The following PPP2R5E variants were observed in gnomAD, a reference collection of about 807,000 sequenced individuals.
The protein encoded by PPP2R5E is protein phosphatase 2 regulatory subunit B'epsilon, also known as serine/threonine-protein phosphatase 2A 56 kDa regulatory subunit epsilon isoform.
In PPP2R5E, 4 loss-of-function variants were observed where a neutral mutation model predicts 65.3. The ratio of observed to expected loss-of-function variants is 0.06; its 90% CI spans 0.03 to 0.14. The LOEUF is 0.14. Among genes scored for constraint, PPP2R5E ranks in the 10% least tolerant of loss-of-function variants. The probability of loss-of-function intolerance (pLI) is 1.00; values close to 1 mark genes in which losing one functional copy is unlikely to be tolerated. For missense variants in PPP2R5E, 274 were observed against 556.1 expected, an observed-to-expected ratio of 0.49 and a Z score of 5.10; for synonymous variants, 183 against 187.4, an observed-to-expected ratio of 0.98 and a Z score of 0.19.
chr14:63,507,490 T>C (rs1276964386), intron 2 of PPP2R5E, among the ~76,000 whole-genome samples: 1 of 139,500 alleles, frequency 7.2e-6, no homozygotes, highest in Non-Finnish European at 1.6e-5. Flanking sequence ...AAGAAACAAA[T>C]AGATTATGAA....
intron 2 of PPP2R5E, among the ~76,000 whole-genome samples, chr14:63,475,418 C>G (rs1005357451): frequency 1.3e-5 from 2 of 152,216 alleles, no homozygotes; most frequent in Non-Finnish European, 2.9e-5. Context: ...AAGTCCTGGC[C>G]TGTTTCCAAC....
At chr14:63,435,240 T>C (rs377281061) in intron 3 of PPP2R5E, among the ~76,000 whole-genome samples, 5 of 151,976 alleles carry the variant, frequency 3.3e-5, no homozygotes, top group African/African-American at 9.7e-5. Context: ...AAGTTAAGTA[T>C]ATCTAAATTT....
chr14:63,397,302 G>C (rs912666661), intron 5 of PPP2R5E, among the ~76,000 whole-genome samples: 2 of 152,106 alleles, frequency 1.3e-5, no homozygotes, highest in African/African-American at 2.4e-5. Context: ...AGGAGTTTAA[G>C]ACCAGCCTGG....
At chr14:63,386,181 G>C (rs1229575263) in intron 11 of PPP2R5E, among the ~76,000 whole-genome samples, 1 of 152,048 alleles carries the variant, frequency 6.6e-6, no homozygotes, top group Non-Finnish European at 1.5e-5. Context: ...TATTCAGCTT[G>C]GTTCAAAAAA....
chr14:63,493,804 CACTA>C (rs1594938385), intron 2 of PPP2R5E, among the ~76,000 whole-genome samples: 1 of 152,094 alleles, frequency 6.6e-6, no homozygotes, highest in East Asian at 1.9e-4. Flanking sequence ...CTATCTGCCT[CACTA>C]ACTAATTTAG....
At chr14:63,492,251 T>C (rs769576549) in intron 2 of PPP2R5E, among the ~76,000 whole-genome samples, 12 of 152,100 alleles carry the variant, frequency 7.9e-5, no homozygotes, top group Non-Finnish European at 1.5e-4. Flanking sequence ...GAAAAAATAA[T>C]AATGCTTTAT....
intron 2 of PPP2R5E, among the ~76,000 whole-genome samples, chr14:63,462,276 T>C (rs1253248747): frequency 2.0e-5 from 3 of 152,104 alleles, no homozygotes; most frequent in Admixed American, 2.0e-4. Context: ...TTCACCGTGT[T>C]AGCCAGGATG....
intron 6 of PPP2R5E, among the ~76,000 whole-genome samples, chr14:63,396,141 A>G (rs1189536258): frequency 4.7e-5 from 2 of 42,110 alleles, no homozygotes; most frequent in Non-Finnish European, 9.1e-5. Context: ...GAGGAGAGGG[A>G]GGGAGAAAGG....
chr14:63,534,315 T>C (rs973402519), intron 2 of PPP2R5E, among the ~76,000 whole-genome samples: 10 of 151,626 alleles, frequency 6.6e-5, no homozygotes, highest in Non-Finnish European at 1.2e-4. Flanking sequence ...TAAGACAGAG[T>C]TTATAGTGGC....
At chr14:63,411,902 T>C (rs1323627696) in intron 5 of PPP2R5E, among the ~76,000 whole-genome samples, 4 of 152,162 alleles carry the variant, frequency 2.6e-5, no homozygotes, top group East Asian at 1.9e-4. Flanking sequence ...CAACACAAAA[T>C]AGACTACTAG....
chr14:63,381,993 A>G lies in PPP2R5E; in HGVS notation c.1304+63T>C, dbSNP rs1029760316. The G allele has an allele frequency of 4.4e-6, 6 of 1,371,720 alleles. No homozygotes were observed. The East Asian group carries it at 1.4e-4, about 33-fold the overall frequency. The allele number at this position is 1,371,720 out of a possible 1,614,324, so 85.0% of individuals were successfully genotyped here. ...TGGGGTACAATTAGGCAACTTCAGC[A>G]AAGAGCAAGGAAAAAACTCAATAGC... On this transcript the variant is annotated intron_variant, in intron 13 of 13. Transcript: ENST00000337537.
At chr14:63,433,272 AGGCAATCCACCTGCCTC>A (rs1887788096) in intron 3 of PPP2R5E, among the ~76,000 whole-genome samples, 2 of 152,194 alleles carry the variant, frequency 1.3e-5, no homozygotes, top group Non-Finnish European at 2.9e-5. Flanking sequence ...TCCTGAGCAC[AGGCAATCCACCTGCCTC>A]GGCCTCCCAT....
intron 3 of PPP2R5E, among the ~76,000 whole-genome samples, chr14:63,433,413 G>A (rs1014660564): frequency 1.3e-5 from 2 of 151,982 alleles, no homozygotes; most frequent in Non-Finnish European, 2.9e-5. Context: ...GAGACTGGCT[G>A]GGCTAATTCC....
chr14:63,391,830 C>T lies in PPP2R5E; in HGVS notation c.941G>A (p.Cys314Tyr). ...GTAAGCACTTACCTCTTTTTGACTACATGTTTTAGGCCAAAATTTCATTAA... is the reference window on the plus strand; with the variant it reads ...GTAAGCACTTACCTCTTTTTGACTATATGTTTTAGGCCAAAATTTCATTAA... ...RGLMKFWPKT[C>Y]SQKEVMFLGE... The change falls in exon 10 of 14, where the codon TGT (cysteine) becomes TAT (tyrosine). Residue 314 changes from cysteine to tyrosine, a missense_variant. By Grantham distance (194) the Cys-to-Tyr change is radical. Around this residue, in one of 6 missense-constraint regions of PPP2R5E, gnomAD observed 129 missense variants for 254.9 expected, o/e 0.51. Transcript: ENST00000337537. 1 of 1,613,376 alleles carries T rather than the reference C, an allele frequency of 6.2e-7. No individual in the cohort carries two copies. The highest frequency in any genetic ancestry group is 8.5e-7 in the Non-Finnish European group (1 of 1,179,370).
chr14:63,462,251 T>C (rs892816831), intron 2 of PPP2R5E, among the ~76,000 whole-genome samples: 1 of 152,046 alleles, frequency 6.6e-6, no homozygotes, highest in Non-Finnish European at 1.5e-5. Context: ...TTTGTATTTT[T>C]AGTAGAGATG....
chr14:63,537,897 A>T (rs892173883), intron 2 of PPP2R5E, among the ~76,000 whole-genome samples: 9 of 152,214 alleles, frequency 5.9e-5, no homozygotes, highest in African/African-American at 1.9e-4. Context: ...GATATTTTTC[A>T]AACAACACCT....
intron 2 of PPP2R5E, among the ~76,000 whole-genome samples, chr14:63,512,597 A>G (rs1311903188): frequency 2.0e-5 from 3 of 152,216 alleles, no homozygotes; most frequent in Admixed American, 6.5e-5. Flanking sequence ...TAAGATAGAA[A>G]GTGAAAACTT....
chr14:63,440,419 A>C (rs1366443950), intron 3 of PPP2R5E, among the ~76,000 whole-genome samples: 1 of 150,280 alleles, frequency 6.7e-6, no homozygotes, highest in Admixed American at 6.6e-5. Flanking sequence ...TCTTAAGCAA[A>C]AAAAAAAAAA....
intron 13 of PPP2R5E, among the ~76,000 whole-genome samples, chr14:63,377,399 T>C (rs540195162): frequency 6.6e-6 from 1 of 152,302 alleles, no homozygotes; most frequent in South Asian, 2.1e-4. Context: ...ACCAATGTTT[T>C]TTAAAAGTTA....
Sources: allele counts gnomAD v4.1 joint callset (sites outside exome capture counted in the v4.1 genomes callset), GRCh38; gene constraint gnomAD v4.1.1; regional missense constraint gnomAD v4.1.1; transcripts MANE v1.5; gene names NCBI Gene and HGNC (gene_info 2026-07-23, HGNC 2026-07-21).